ARRB1: variants seen among roughly 807,000 people sequenced by gnomAD.
ARRB1 encodes the protein beta-arrestin-1.
ARRB1 carries 21 observed loss-of-function variants against 56.8 expected under a neutral mutation model. The observed-to-expected ratio is 0.37, with a 90% confidence interval of 0.26 to 0.53. ARRB1 has a LOEUF of 0.53. ARRB1 is among the 20% of genes least tolerant of loss of function. The pLI, the probability that ARRB1 is intolerant of heterozygous loss-of-function variation, is 0.88. For synonymous variants in ARRB1, 210 were observed against 218.6 expected (o/e 0.96, Z 0.35); for missense variants, 424 against 553.7 (o/e 0.77, Z 2.35).
At chr11:75,271,821 G>T in intron 12 of ARRB1, 97 bp from the exon 13 acceptor site, 1 of 1,352,450 alleles carries the variant, frequency 7.4e-7, no homozygotes, top group Non-Finnish European at 1.0e-6. Flanking sequence ...GCTGTCCCCC[G>T]GATAGAGAAG....
In ARRB1 at chr11:75,323,654, G is replaced by A. The variant is rs1005031883; in HGVS notation, c.20+27934C>T. 7.9e-5 allele frequency among the ~76,000 whole-genome samples: 12 copies of A among 152,212 alleles called. 1 individual carries two copies. Among genetic ancestry groups the A allele is most frequent in the Admixed American group, 7.9e-4 (12 of 15,272 alleles). On this transcript the variant is annotated intron_variant, in intron 1 of 15. Transcript: ENST00000420843. ...AAAGAAAAAAATAAGTGTACCTGGA[G>A]AGGAAACCTTCTCTCCCCCCATGAG...
At position 75,265,132 on chromosome 11, in the gene ARRB1, G is replaced by C. The variant is rs549751115; in HGVS notation, c.*1031C>G. 1 of 152,326 alleles carries C rather than the reference G, an allele frequency of 6.6e-6. No individual in the cohort carries two copies. The highest frequency in any genetic ancestry group is 1.5e-5 in the Non-Finnish European group (1 of 68,154). 9.4% of individuals were successfully genotyped at this position (152,326 alleles called of 1,614,324 possible). On this transcript the variant is annotated 3_prime_UTR_variant, in exon 16 of 16. Coordinates refer to ENST00000420843, the MANE Select transcript of ARRB1 (RefSeq NM_004041.5). ...TCAGGCACTCTCTCCCAGTCCATAG[G>C]GTCAGTCCAGCCCTGGAGAATGGCA...
chr11:75,307,849 G>A (rs1012361970), intron 1 of ARRB1, among the ~76,000 whole-genome samples: 2 of 152,214 alleles, frequency 1.3e-5, no homozygotes, highest in Non-Finnish European at 2.9e-5. Context: ...GGGGCAACAG[G>A]GGGATCCCTG....
At chr11:75,308,038 C>G (rs1947069130) in intron 1 of ARRB1, among the ~76,000 whole-genome samples, 1 of 152,258 alleles carries the variant, frequency 6.6e-6, no homozygotes, top group Non-Finnish European at 1.5e-5. Flanking sequence ...AATAAAGCAT[C>G]AGGGACAGGG....
chr11:75,305,018 C>CTTTTTTTTTTTTTTTTTTT lies in ARRB1; in HGVS notation c.21-14998_21-14980dup, dbSNP rs35323331. ...TTCTTTTCTTTTCTTTTCTTTCTTT[C>CTTTTTTTTTTTTTTTTTTT]TTTTTTTTTTTTTTTTTTTTTTGAG... On this transcript the variant is annotated intron_variant, in intron 1 of 15. Coordinates refer to ENST00000420843, the MANE Select transcript of ARRB1 (RefSeq NM_004041.5). Among the ~76,000 whole-genome samples, 52 of 86,730 alleles carry CTTTTTTTTTTTTTTTTTTT rather than the reference C, an allele frequency of 6.0e-4. 1 individual carries two copies. Among genetic ancestry groups the CTTTTTTTTTTTTTTTTTTT allele is most frequent in the Non-Finnish European group, 8.1e-4 (36 of 44,712 alleles). The allele number at this position is 86,730 out of a possible 152,430, so 56.9% of individuals were successfully genotyped here.
chr11:75,265,394 T>A lies in ARRB1; in HGVS notation c.*769A>T, dbSNP rs1945886750. 1 of 144,980 alleles carries A rather than the reference T, an allele frequency of 6.9e-6. No individual in the cohort carries two copies. Among genetic ancestry groups the A allele is most frequent in the Non-Finnish European group, 1.5e-5 (1 of 65,658 alleles). 9.0% of individuals were successfully genotyped at this position (144,980 alleles called of 1,614,324 possible). On this transcript the variant is annotated 3_prime_UTR_variant, in exon 16 of 16. Coordinates refer to ENST00000420843, the MANE Select transcript of ARRB1 (RefSeq NM_004041.5). ...CCCTCCCTCCCTCTGCTTTTCTCTCTGTGCATATCTCTAGACAGGGCCATG... is the reference window on the plus strand; with the variant it reads ...CCCTCCCTCCCTCTGCTTTTCTCTCAGTGCATATCTCTAGACAGGGCCATG...
In ARRB1 at chr11:75,262,609, C is replaced by T. The variant is rs1945821742; in HGVS notation, c.*3554G>A. 6.6e-6 allele frequency: 1 copy of T among 152,204 alleles called. No homozygotes were observed. The highest frequency in any genetic ancestry group is 1.5e-5 in the Non-Finnish European group (1 of 68,066). The allele number at this position is 152,204 out of a possible 1,614,324, so 9.4% of individuals were successfully genotyped here. On this transcript the variant is annotated 3_prime_UTR_variant, in exon 16 of 16. Coordinates refer to ENST00000420843, the MANE Select transcript of ARRB1 (RefSeq NM_004041.5). ...ATCCAGCCATTTTCAACTTACAGAG[C>T]CCTGACCGCTGACTTTCATCTCATC...
intron 12 of ARRB1, among the ~76,000 whole-genome samples, chr11:75,272,460 T>C (rs900945532): frequency 2.0e-5 from 3 of 152,176 alleles, no homozygotes; most frequent in African/African-American, 7.2e-5. Context: ...AAATCCCCAA[T>C]CCAGCTCTGG....
intron 13 of ARRB1, among the ~76,000 whole-genome samples, chr11:75,269,887 C>T (rs977662813): frequency 6.6e-6 from 1 of 152,236 alleles, no homozygotes; most frequent in African/African-American, 2.4e-5. Context: ...ACCCTGAAGG[C>T]TCCTCTCGGC....
intron 1 of ARRB1, among the ~76,000 whole-genome samples, chr11:75,328,536 G>C (rs566691681): frequency 6.6e-6 from 1 of 152,196 alleles, no homozygotes; most frequent in South Asian, 2.1e-4. Context: ...CCAAATGAAA[G>C]TGCCCTTCTT....
chr11:75,284,337 GC>G, intron 3 of ARRB1, 58 bp from the exon 4 acceptor site: 1 of 1,511,160 alleles, frequency 6.6e-7, no homozygotes, highest in Non-Finnish European at 9.0e-7. Context: ...AAACCTCTGT[GC>G]CCCAAACACC....
Position 75,294,167 on chromosome 11 carries a change from A to C in ARRB1, c.21-4128T>G, listed in dbSNP as rs1179027480. Among the ~76,000 whole-genome samples, 3 of 152,158 alleles carry C rather than the reference A, an allele frequency of 2.0e-5. No homozygotes were observed. In the East Asian group the frequency reaches 5.8e-4, roughly 29 times the overall value. On this transcript the variant is annotated intron_variant, in intron 1 of 15. Coordinates refer to ENST00000420843, the MANE Select transcript of ARRB1 (RefSeq NM_004041.5). ...TGTCACACATCTAGGTCTGTCATGT[A>C]GTCAAGGAGGCCCGGGCAGAAGAGG...
chr11:75,302,696 A>AC (rs1174709800), intron 1 of ARRB1, among the ~76,000 whole-genome samples: 1 of 152,126 alleles, frequency 6.6e-6, no homozygotes, highest in African/African-American at 2.4e-5. Flanking sequence ...GATAATATCC[A>AC]CCCCATAGGC....
chr11:75,313,891 C>T (rs1228136053), intron 1 of ARRB1, among the ~76,000 whole-genome samples: 2 of 152,214 alleles, frequency 1.3e-5, no homozygotes, highest in African/African-American at 4.8e-5. Flanking sequence ...TTGAGTGCTT[C>T]TTACGTGCCT....
intron 2 of ARRB1, among the ~76,000 whole-genome samples, chr11:75,287,811 C>T (rs1946516633): frequency 6.6e-6 from 1 of 152,238 alleles, no homozygotes; most frequent in African/African-American, 2.4e-5. Flanking sequence ...TGCTCCTTCT[C>T]CCATGCAGCC....
intron 15 of ARRB1, among the ~76,000 whole-genome samples, 172 bp from the exon 16 acceptor site, chr11:75,266,446 T>C (rs976531658): frequency 2.6e-5 from 4 of 152,184 alleles, no homozygotes; most frequent in African/African-American, 9.7e-5. Context: ...CCTGTCTGGC[T>C]GGCACATGTG....
At chr11:75,323,233 C>T (rs1378634083) in intron 1 of ARRB1, among the ~76,000 whole-genome samples, 1 of 152,208 alleles carries the variant, frequency 6.6e-6, no homozygotes, top group Non-Finnish European at 1.5e-5. Context: ...AAACCACAGT[C>T]CATAACAAAA....
intron 1 of ARRB1, among the ~76,000 whole-genome samples, chr11:75,346,037 A>T (rs1947761327): frequency 6.6e-6 from 1 of 152,052 alleles, no homozygotes; most frequent in East Asian, 1.9e-4. Context: ...AAGTACCTTG[A>T]AACCACCCCC....
At chr11:75,339,013 G>A (rs1014298085) in intron 1 of ARRB1, among the ~76,000 whole-genome samples, 13 of 152,308 alleles carry the variant, frequency 8.5e-5, no homozygotes, top group African/African-American at 2.6e-4. Flanking sequence ...TGGTAAAGGG[G>A]AGGGGAGAAC....
Sources: allele counts gnomAD v4.1 joint callset (sites outside exome capture counted in the v4.1 genomes callset), GRCh38; gene constraint gnomAD v4.1.1; transcripts MANE v1.5; gene names NCBI Gene and HGNC (gene_info 2026-07-23, HGNC 2026-07-21).